Variants in CPN1 observed in about 807,000 individuals in gnomAD.
CPN1 encodes the protein carboxypeptidase N subunit 1, also known as carboxypeptidase N catalytic chain.
A neutral mutation model predicts 46.4 loss-of-function variants in CPN1; 37 were observed. The ratio of observed to expected loss-of-function variants is 0.80; its 90% CI spans 0.61 to 1.05. CPN1 has a LOEUF of 1.05. CPN1 is among the 50% of genes least tolerant of loss of function. CPN1 has a pLI of 0.00. For missense variants in CPN1, 563 were observed against 602.6 expected (o/e 0.93, Z 0.69); for synonymous variants, 224 against 235.4 (o/e 0.95, Z 0.44).
intron 7 of CPN1, among the ~76,000 whole-genome samples, chr10:100,050,199 C>T (rs767166901): frequency 2.6e-5 from 4 of 151,660 alleles, no homozygotes; most frequent in East Asian, 3.9e-4. Flanking sequence ...ACTAAAAATA[C>T]GAAAATTAGC....
chr10:100,042,703 T>G, intron 8 of CPN1, 130 bp from the exon 9 acceptor site: 1 of 1,156,374 alleles, frequency 8.6e-7, no homozygotes, highest in Non-Finnish European at 1.3e-6. Flanking sequence ...TGGTGTCATA[T>G]AGACTTGGCT....
rs7090203 is a variant in CPN1, at chr10:100,055,357, C to A, written c.1012-911G>T. Reference sequence around the variant, plus strand: ...ACAATGATTCTCCATTATCCCCCCCCCCAGCCCCTGGCAACCACCATTTTA... The same window carrying A: ...ACAATGATTCTCCATTATCCCCCCCACCAGCCCCTGGCAACCACCATTTTA... On this transcript the variant is annotated intron_variant, in intron 6 of 8. Coordinates refer to ENST00000370418, the MANE Select transcript of CPN1 (RefSeq NM_001308.3). 5.3e-4 allele frequency among the ~76,000 whole-genome samples: 81 copies of A among 151,620 alleles called. 2 individuals carry two copies. Among genetic ancestry groups the A allele is most frequent in the African/African-American group, 1.3e-3 (55 of 41,198 alleles).
At chr10:100,069,569 A>G (rs527949846) in intron 3 of CPN1, 145 bp downstream of exon 3, 50 of 944,332 alleles carry the variant, frequency 5.3e-5, no homozygotes, top group Non-Finnish European at 7.5e-5. Flanking sequence ...AGAAATATAT[A>G]TTATTGCTCT....
At chr10:100,049,863 T>C (rs1488521849) in intron 7 of CPN1, among the ~76,000 whole-genome samples, 1 of 152,116 alleles carries the variant, frequency 6.6e-6, no homozygotes, top group Non-Finnish European at 1.5e-5. Context: ...TAATACAAAC[T>C]CCCCTCCAGT....
In CPN1 at chr10:100,062,590, A is replaced by ATTCT. The variant is rs1333452549; in HGVS notation, c.871+1020_871+1023dup. On this transcript the variant is annotated intron_variant, in intron 5 of 8. Coordinates refer to ENST00000370418, the MANE Select transcript of CPN1 (RefSeq NM_001308.3). ...CTCATATTAAAATTACGAGGCAAGT[A>ATTCT]TTCTTTCTTTTTTTTTTTTTTGGAG... Among the ~76,000 whole-genome samples the ATTCT allele has an allele frequency of 3.7e-4, 51 of 139,712 alleles. No homozygotes were observed. The East Asian group carries it at 0.01, about 28-fold the overall frequency. 91.7% of individuals were successfully genotyped at this position (139,712 alleles called of 152,430 possible).
chr10:100,049,968 G>A (rs1003090732), intron 7 of CPN1, among the ~76,000 whole-genome samples: 14 of 152,160 alleles, frequency 9.2e-5, no homozygotes, highest in African/African-American at 3.1e-4. Flanking sequence ...TATTTGAAAG[G>A]CCACTGTGAA....
At chr10:100,064,283 AC>A (rs1478381310) in intron 4 of CPN1, among the ~76,000 whole-genome samples, 4 of 151,808 alleles carry the variant, frequency 2.6e-5, no homozygotes, top group Non-Finnish European at 4.4e-5. Context: ...GGAGAAAAAA[AC>A]AATGTGCTAT....
chr10:100,048,802 G>A lies in CPN1; in HGVS notation c.1186C>T (p.Pro396Ser). Reference sequence around the variant, plus strand: ...CCCACGGTCACAGTTACTGTCTCTGGGTCATACCCAGGTGCTGTGGCACTA... The same window carrying A: ...CCCACGGTCACAGTTACTGTCTCTGAGTCATACCCAGGTGCTGTGGCACTA... ...TVSATAPGYD[P>S]ETVTVTVGPA... The change falls in exon 8 of 9, where the codon CCA becomes TCA. Residue 396 changes from proline (P) to serine (S), a missense_variant. Transcript: ENST00000370418. The A allele has an allele frequency of 6.2e-7, 1 of 1,613,730 alleles. No homozygotes were observed.
At chr10:100,045,178 G>T (rs986560359) in intron 8 of CPN1, among the ~76,000 whole-genome samples, 10 of 152,192 alleles carry the variant, frequency 6.6e-5, no homozygotes, top group African/African-American at 2.4e-4. Context: ...TTGACATAAT[G>T]ATGGGTTATG....
At chr10:100,053,523 G>T (rs756880290) in intron 7 of CPN1, among the ~76,000 whole-genome samples, 3 of 151,986 alleles carry the variant, frequency 2.0e-5, no homozygotes, top group Non-Finnish European at 4.4e-5. Flanking sequence ...TACATTGGAG[G>T]CTGAGTTAGG....
intron 7 of CPN1, among the ~76,000 whole-genome samples, chr10:100,051,657 A>G (rs1023038089): frequency 6.7e-6 from 1 of 148,922 alleles, no homozygotes; most frequent in Non-Finnish European, 1.5e-5. Context: ...CCTCCTGAGT[A>G]TCTGGGACTA....
At chr10:100,073,594 T>C (rs1221134782) in intron 2 of CPN1, among the ~76,000 whole-genome samples, 1 of 150,974 alleles carries the variant, frequency 6.6e-6, no homozygotes, top group African/African-American at 2.4e-5. Flanking sequence ...TCATTCACAT[T>C]CCTTGGCTCT....
At chr10:100,051,775 C>T (rs529669951) in intron 7 of CPN1, among the ~76,000 whole-genome samples, 9 of 152,246 alleles carry the variant, frequency 5.9e-5, no homozygotes, top group East Asian at 1.9e-4. Context: ...GTGATCCACC[C>T]GCCTTGGCCT....
At chr10:100,057,198 C>T (rs745694859) in intron 5 of CPN1, 46 bp from the exon 6 acceptor site, 25 of 1,598,474 alleles carry the variant, frequency 1.6e-5, no homozygotes, top group East Asian at 6.7e-5. Flanking sequence ...CAGGTTCCCA[C>T]CCAATGCCCC....
In CPN1 at chr10:100,065,366, T is replaced by C. The variant is rs2041449111; in HGVS notation, c.581A>G (p.Glu194Gly). ...PLPDNWKSQV[E>G]PETRAVIRWM... Reference sequence around the variant, plus strand: ...CCGGATCACCGCCCGGGTCTCGGGTTCCACCTGGGAGGAGGCGAGAGGTTG... The same window carrying C: ...CCGGATCACCGCCCGGGTCTCGGGTCCCACCTGGGAGGAGGCGAGAGGTTG... The change falls in exon 4 of 9, where the codon GAA becomes GGA. Residue 194 changes from glutamate (E) to glycine (G), a missense_variant. Glu to Gly is a moderately conservative substitution (Grantham distance 98). Coordinates refer to ENST00000370418, the MANE Select transcript of CPN1 (RefSeq NM_001308.3). 1.2e-6 allele frequency: 2 copies of C among 1,614,032 alleles called. No individual in the cohort carries two copies. The highest frequency in any genetic ancestry group is 2.7e-5 in the African/African-American group (2 of 74,922).
At chr10:100,067,874 C>T (rs971536926) in intron 3 of CPN1, among the ~76,000 whole-genome samples, 1 of 151,964 alleles carries the variant, frequency 6.6e-6, no homozygotes. Flanking sequence ...GGAAAAGGGG[C>T]CAGGTGTGGT....
At chr10:100,067,331 G>A (rs1383173132) in intron 3 of CPN1, among the ~76,000 whole-genome samples, 1 of 152,120 alleles carries the variant, frequency 6.6e-6, no homozygotes, top group Non-Finnish European at 1.5e-5. Flanking sequence ...AGCCAGGCTG[G>A]TCTCGAACTC....
intron 1 of CPN1, among the ~76,000 whole-genome samples, chr10:100,080,665 G>C (rs950973859): frequency 1.3e-5 from 2 of 152,186 alleles, no homozygotes; most frequent in Admixed American, 6.5e-5. Context: ...GGCCAAGGTG[G>C]GTGGATCGCC....
At chr10:100,071,377 C>A (rs2041484171) in intron 2 of CPN1, among the ~76,000 whole-genome samples, 1 of 152,196 alleles carries the variant, frequency 6.6e-6, no homozygotes, top group South Asian at 2.1e-4. Context: ...TTGTTTCTTC[C>A]AGGTTCTGGT....
Sources: gnomAD v4.1 joint callset for allele counts (sites outside exome capture counted in the v4.1 genomes callset) on GRCh38, gnomAD v4.1.1 for gene constraint, MANE v1.5 for transcripts, NCBI Gene and HGNC (gene_info 2026-07-23, HGNC 2026-07-21) for gene names.